The following PDK4 variants were observed in gnomAD, a reference collection of about 807,000 sequenced individuals.
The protein encoded by PDK4 is pyruvate dehydrogenase kinase 4, also known as pyruvate dehydrogenase kinase, isozyme 4.
In PDK4, 43 loss-of-function variants were observed where a neutral mutation model predicts 51.7. The ratio of observed to expected loss-of-function variants is 0.83; its 90% confidence interval spans 0.65 to 1.07. The LOEUF (loss-of-function observed/expected upper bound fraction) is 1.07, where lower values mean the gene tolerates loss of function less well. Among genes scored for constraint, PDK4 ranks in the 50% least tolerant of loss-of-function variants. PDK4 has a pLI of 0.00. For synonymous variants in PDK4, 170 were observed against 176.6 expected (o/e 0.96, Z 0.30); for missense variants, 498 against 503.5 (o/e 0.99, Z 0.10).
intron 5 of PDK4, 59 bp from the exon 6 acceptor site, chr7:95,592,124 A>C: frequency 6.6e-6 from 6 of 908,154 alleles, no homozygotes; most frequent in Middle Eastern, 2.2e-4. Context: ...TACAGTTCTC[A>C]AATAATCTTC....
chr7:95,588,240 T>G (rs1791511649), intron 7 of PDK4, among the ~76,000 whole-genome samples: 2 of 152,242 alleles, frequency 1.3e-5, no homozygotes. Context: ...TTTATTGGCT[T>G]TCATAAAACT....
rs199858922 is a variant in PDK4, at chr7:95,596,306, C to T, written c.-13G>A. ...GGGCCGCCTTCATCTTGACGCCCAC[C>T]CGGCCTGGCGGGGACTGTGGCTGGC... On this transcript the variant is annotated 5_prime_UTR_variant, in exon 1 of 11. Transcript: ENST00000005178. 1.5e-5 allele frequency: 23 copies of T among 1,564,008 alleles called. No individual in the cohort carries two copies. Among genetic ancestry groups the T allele is most frequent in the South Asian group, 9.3e-5 (8 of 85,648 alleles).
intron 10 of PDK4, among the ~76,000 whole-genome samples, chr7:95,586,473 G>A (rs926577205): frequency 3.9e-5 from 6 of 152,094 alleles, no homozygotes; most frequent in African/African-American, 1.4e-4. Flanking sequence ...GATTACAAGC[G>A]TGAGCCACTG....
chr7:95,595,163 A>G lies in PDK4; in HGVS notation c.132T>C (p.Gly44=). 2.5e-6 allele frequency: 4 copies of G among 1,609,080 alleles called. No homozygotes were observed. Among genetic ancestry groups the G allele is most frequent in the Non-Finnish European group, 3.4e-6 (4 of 1,175,864 alleles). The change falls in exon 2 of 11, where the codon GGT becomes GGC. Residue 44 remains glycine, a splice_region_variant and synonymous_variant. Coordinates refer to ENST00000005178, the MANE Select transcript of PDK4 (RefSeq NM_002612.4). ...PLSMKQLLDF[G]SENACERTSF... is the part of the protein sequence containing the mutation. ...AAGTTCTTTCACATGCATTTTCTGA[A>G]CCTATAATAAATGAAATCAATTTAG...
chr7:95,592,600 G>A lies in PDK4; in HGVS notation c.530-3C>T. Reference sequence around the variant, plus strand: ...CTGTGAGTCACTAAATATAAGAACTGTTGAAAAATAAAAACAAAAAAAAAT... The same window carrying A: ...CTGTGAGTCACTAAATATAAGAACTATTGAAAAATAAAAACAAAAAAAAAT... On this transcript the variant is annotated splice_region_variant and splice_polypyrimidine_tract_variant and intron_variant, in intron 4 of 10. Coordinates refer to ENST00000005178, the MANE Select transcript of PDK4 (RefSeq NM_002612.4). 6.3e-7 allele frequency: 1 copy of A among 1,590,580 alleles called. No individual in the cohort carries two copies. Among genetic ancestry groups the A allele is most frequent in the Non-Finnish European group, 8.6e-7 (1 of 1,159,396 alleles).
rs758240007 is a variant in PDK4 at position 95,587,418 on chromosome 7, C to T, written c.981G>A (p.Leu327=). Residue 327 remains leucine, a splice_region_variant and synonymous_variant, in exon 9 of 11, where the codon TTG becomes TTA. Transcript: ENST00000005178. ...PVMDNSRNAP[L]AGFGYGLPIS... is the part of the protein sequence containing the mutation. ...AATTTAGCCATATAATTGTTCTTACCAAAGGAGCATTCCGGGAATTATCCA... is the reference window on the plus strand; with the variant it reads ...AATTTAGCCATATAATTGTTCTTACTAAAGGAGCATTCCGGGAATTATCCA... 1.4e-5 allele frequency: 22 copies of T among 1,558,276 alleles called. No individual in the cohort carries two copies. The highest frequency in any genetic ancestry group is 1.8e-5 in the Non-Finnish European group (20 of 1,129,246).
At chr7:95,587,703 A>C in intron 8 of PDK4, 24 bp downstream of exon 8, 1 of 1,519,938 alleles carries the variant, frequency 6.6e-7, no homozygotes, top group Non-Finnish European at 9.1e-7. Flanking sequence ...AGAGACACCC[A>C]AAAGGAAAAC....
chr7:95,587,650 A>C, intron 8 of PDK4, 77 bp downstream of exon 8: 2 of 1,221,278 alleles, frequency 1.6e-6, no homozygotes, highest in Non-Finnish European at 2.4e-6. Context: ...CTATTGCAAA[A>C]AGCAGACAGC....
rs774038640 is a variant in PDK4 at position 95,587,516 on chromosome 7, C to G, written c.883G>C (p.Gly295Arg). The G allele has an allele frequency of 7.5e-6, 12 of 1,594,262 alleles. No homozygotes were observed. Among genetic ancestry groups the G allele is most frequent in the Non-Finnish European group, 1.0e-5 (12 of 1,161,920 alleles). The change falls in exon 9 of 11, where the codon GGA becomes CGA. Residue 295 changes from glycine to arginine, a missense_variant. Physicochemically the swap from Gly to Arg is moderately radical, Grantham distance 125 (BLOSUM62 -2). Transcript: ENST00000005178. The stretch of plus-strand genomic sequence containing the variant: ...ATAATTCTCAGGGGAACACCACCTC[C>G]TCTGTCTGAAATCTAAAACAAACAA... ...EDLTIKISDR[G>R]GGVPLRIIDR...
chr7:95,593,314 T>C (rs1791575092), intron 3 of PDK4, among the ~76,000 whole-genome samples: 1 of 152,118 alleles, frequency 6.6e-6, no homozygotes, highest in African/African-American at 2.4e-5. Context: ...TCTTGTCAGA[T>C]TTAGAAAAGA....
At chr7:95,596,115 G>A (rs1346226897) in intron 1 of PDK4, 49 bp downstream of exon 1, 1 of 1,537,068 alleles carries the variant, frequency 6.5e-7, no homozygotes, top group East Asian at 2.6e-5. Context: ...GAAAGTTAAG[G>A]CAGTTCCCCA....
intron 6 of PDK4, among the ~76,000 whole-genome samples, chr7:95,590,964 G>A (rs1562837791): frequency 6.6e-6 from 1 of 152,162 alleles, no homozygotes; most frequent in African/African-American, 2.4e-5. Context: ...CTGAGACAGG[G>A]TCTCACTCTG....
chr7:95,595,104 C>T lies in PDK4; in HGVS notation c.191G>A (p.Arg64Lys). ...FAFLRQELPV[R>K]LANILKEIDI... The stretch of plus-strand genomic sequence containing the variant: ...AATTTCCTTCAGAATGTTGGCGAGT[C>T]TCACAGGCAATTCTTGTCGCAAAAA... The change falls in exon 2 of 11, where the codon AGA becomes AAA. Residue 64 changes from arginine to lysine, a missense_variant. Coordinates refer to ENST00000005178, the MANE Select transcript of PDK4 (RefSeq NM_002612.4). The T allele has an allele frequency of 6.2e-7, 1 of 1,612,710 alleles. No homozygotes were observed. Among genetic ancestry groups the T allele is most frequent in the Non-Finnish European group, 8.5e-7 (1 of 1,178,824 alleles).
At chr7:95,590,126 T>C (rs1440967351) in intron 6 of PDK4, among the ~76,000 whole-genome samples, 1 of 152,190 alleles carries the variant, frequency 6.6e-6, no homozygotes, top group Admixed American at 6.5e-5. Context: ...GGAAGAACAG[T>C]GCTATAAATT....
rs762761346 is a variant in PDK4 at position 95,585,646 on chromosome 7, T to C, written c.1231A>G (p.Met411Val). 1.2e-6 allele frequency: 2 copies of C among 1,607,400 alleles called. No homozygotes were observed. Among genetic ancestry groups the C allele is most frequent in the African/African-American group, 1.3e-5 (1 of 74,782 alleles). The change falls in exon 11 of 11, where the codon ATG becomes GTG. Residue 411 changes from methionine (M) to valine (V), a missense_variant. Coordinates refer to ENST00000005178, the MANE Select transcript of PDK4 (RefSeq NM_002612.4). Reference protein sequence around the residue: ...EPKNLAKEVAM With the variant: ...EPKNLAKEVAV ...AGTGTCCTGAGTGTCCCTCTTCACA[T>C]GGCCACTTCTTTTGCCAGGTTCTTT... is the stretch of plus-strand genomic sequence containing the variant.
Position 95,585,663 on chromosome 7 carries a change from A to G in PDK4, c.1214T>C (p.Leu405Pro), listed in dbSNP as rs1303966973. ...TCTTCACATGGCCACTTCTTTTGCC[A>G]GGTTCTTTGGTTCCCTGCTTGGGAT... ...WCIPSREPKN[L>P]AKEVAM Residue 405 changes from leucine to proline, a missense_variant, in exon 11 of 11, where the codon CTG (leucine) becomes CCG (proline). Physicochemically the swap from Leu to Pro is moderately conservative, Grantham distance 98 (BLOSUM62 -3). Transcript: ENST00000005178. 6.2e-7 allele frequency: 1 copy of G among 1,609,804 alleles called. No homozygotes were observed. Among genetic ancestry groups the G allele is most frequent in the Non-Finnish European group, 8.5e-7 (1 of 1,177,016 alleles).
At chr7:95,587,367 A>G (rs532471752) in intron 9 of PDK4, 51 bp downstream of exon 9, 2 of 1,080,878 alleles carry the variant, frequency 1.9e-6, no homozygotes, top group African/African-American at 1.6e-5. Flanking sequence ...TCCTTGCTCT[A>G]CATTTAGAAC....
In PDK4 at chr7:95,587,108, C is replaced by T. The variant is rs768194487; in HGVS notation, c.997G>A (p.Gly333Ser). Residue 333 changes from glycine (G) to serine (S), a missense_variant, in exon 10 of 11, where the codon GGC (glycine) becomes AGC (serine). Gly to Ser is a moderately conservative substitution (Grantham distance 56). Transcript: ENST00000005178. Reference protein sequence around the residue: ...RNAPLAGFGYGLPISRLYAKY... With the variant: ...RNAPLAGFGYSLPISRLYAKY... Reference sequence around the variant, plus strand: ...GCATACAGACGAGAAATTGGCAAGCCGTAACCAAAACCAGCCTAGAGAAGA... The same window carrying T: ...GCATACAGACGAGAAATTGGCAAGCTGTAACCAAAACCAGCCTAGAGAAGA... The T allele has an allele frequency of 1.6e-5, 25 of 1,608,922 alleles. No homozygotes were observed. Among genetic ancestry groups the T allele is most frequent in the Admixed American group, 3.3e-5 (2 of 59,958 alleles).
rs1179459338 is a variant in PDK4, at chr7:95,587,431, C to T, written c.968G>A (p.Arg323Gln). Residue 323 changes from arginine (R) to glutamine (Q), a missense_variant, in exon 9 of 11, where the codon CGG (arginine) becomes CAG (glutamine). Coordinates refer to ENST00000005178, the MANE Select transcript of PDK4 (RefSeq NM_002612.4). ...AATTGTTCTTACCAAAGGAGCATTC[C>T]GGGAATTATCCATCACAGGCGTTGG... is the stretch of plus-strand genomic sequence containing the variant. ...TAPTPVMDNS[R>Q]NAPLAGFGYG... is the part of the protein sequence containing the mutation. The T allele has an allele frequency of 9.4e-6, 15 of 1,594,126 alleles. No homozygotes were observed. Among genetic ancestry groups the T allele is most frequent in the East Asian group, 8.9e-5 (4 of 44,780 alleles).
Sources: gnomAD v4.1 joint callset for allele counts (sites outside exome capture counted in the v4.1 genomes callset) on GRCh38, gnomAD v4.1.1 for gene constraint, MANE v1.5 for transcripts, NCBI Gene and HGNC (gene_info 2026-07-23, HGNC 2026-07-21) for gene names.